The following SIMC1 variants were observed in gnomAD, a reference collection of about 807,000 sequenced individuals.
SIMC1 encodes the protein SUMO interacting motifs containing 1, also known as SUMO-interacting motif-containing protein 1.
SIMC1 carries 55 observed loss-of-function variants against 82.3 expected under a neutral mutation model. The observed-to-expected ratio is 0.67, with a 90% CI of 0.54 to 0.84. The LOEUF is 0.84. SIMC1 is among the 40% of genes least tolerant of loss of function. The pLI, the probability that SIMC1 is intolerant of heterozygous loss-of-function variation, is 0.00. For missense variants in SIMC1, 915 were observed against 1,107.2 expected, an observed-to-expected ratio of 0.83 and a Z score of 2.46; for synonymous variants, 353 against 426.3, an observed-to-expected ratio of 0.83 and a Z score of 2.12.
At chr5:176,337,458 G>A (rs1241806351) in intron 9 of SIMC1, among the ~76,000 whole-genome samples, 2 of 152,198 alleles carry the variant, frequency 1.3e-5, no homozygotes, top group Non-Finnish European at 2.9e-5. Flanking sequence ...GCCAGGCGTG[G>A]TGGTGTATGC....
intron 6 of SIMC1, among the ~76,000 whole-genome samples, chr5:176,324,003 A>T (rs1455671798): frequency 1.3e-5 from 2 of 151,596 alleles, no homozygotes; most frequent in Non-Finnish European, 2.9e-5. Flanking sequence ...AAAAAAAAAA[A>T]AAAAAAAAAA....
chr5:176,281,617 C>A (rs980920067), intron 1 of SIMC1, among the ~76,000 whole-genome samples: 1 of 152,078 alleles, frequency 6.6e-6, no homozygotes, highest in African/African-American at 2.4e-5. Flanking sequence ...GTGTGGATGT[C>A]CTTTCTGTTT....
intron 4 of SIMC1, 70 bp downstream of exon 4, chr5:176,296,390 G>A: frequency 6.2e-7 from 1 of 1,611,418 alleles, no homozygotes; most frequent in Non-Finnish European, 8.5e-7. Context: ...GATATCAGGT[G>A]CCATGGCTCA....
At chr5:176,291,767 C>G (rs1039746706) in intron 2 of SIMC1, among the ~76,000 whole-genome samples, 5 of 152,188 alleles carry the variant, frequency 3.3e-5, no homozygotes, top group African/African-American at 1.2e-4. Flanking sequence ...CATGAGCCAC[C>G]GCGCCCAGCA....
chr5:176,265,991 G>A (rs1762195515), intron 1 of SIMC1, among the ~76,000 whole-genome samples: 1 of 152,128 alleles, frequency 6.6e-6, no homozygotes, highest in Admixed American at 6.5e-5. Flanking sequence ...TATGTACAGT[G>A]TGCTATGGAA....
At chr5:176,286,910 A>AT (rs1561694854) in intron 1 of SIMC1, among the ~76,000 whole-genome samples, 1 of 152,264 alleles carries the variant, frequency 6.6e-6, no homozygotes, top group Non-Finnish European at 1.5e-5. Context: ...GGAGAAATGC[A>AT]TATCAAAACC....
At chr5:176,306,768 A>G (rs1055472727) in intron 4 of SIMC1, among the ~76,000 whole-genome samples, 12 of 147,754 alleles carry the variant, frequency 8.1e-5, no homozygotes, top group African/African-American at 2.7e-4. Flanking sequence ...CAGGGACACA[A>G]ACACTGCGGA....
Position 176,326,850 on chromosome 5 carries a change from C to T in SIMC1, c.2171+2093C>T, listed in dbSNP as rs556786732. On this transcript the variant is annotated intron_variant, in intron 7 of 9. Transcript: ENST00000429602. ...AAAGTGCTGGGATTACAGGCGTAAA[C>T]CACCACACCTGGCAATGTTATCTCT... Among the ~76,000 whole-genome samples the T allele has an allele frequency of 6.6e-5, 10 of 152,268 alleles. No individual in the cohort carries two copies. In the South Asian group the frequency reaches 1.9e-3, roughly 28 times the overall value.
chr5:176,345,043 G>A (rs922242678), intron 9 of SIMC1, 140 bp from the exon 10 acceptor site: 1 of 1,031,892 alleles, frequency 9.7e-7, no homozygotes, highest in Non-Finnish European at 1.4e-6. Context: ...AGTTACTGCA[G>A]GCACTCACAC....
Position 176,290,216 on chromosome 5 carries a change from G to C in SIMC1, c.692G>C (p.Arg231Thr). Residue 231 changes from arginine to threonine, a missense_variant, in exon 2 of 10, where the codon AGA (arginine) becomes ACA (threonine). Coordinates refer to ENST00000429602, the MANE Select transcript of SIMC1 (RefSeq NM_001308195.2). ...CPLRPLPCPP[R>T]ASPCPPRASS... is the part of the protein sequence containing the mutation. ...CTGCGACCTTTGCCATGCCCACCGA[G>C]AGCCTCACCATGTCCACCACGAGCC... 1 of 1,612,838 alleles carries C rather than the reference G, an allele frequency of 6.2e-7. No individual in the cohort carries two copies. Among genetic ancestry groups the C allele is most frequent in the Non-Finnish European group, 8.5e-7 (1 of 1,179,494 alleles).
At position 176,290,083 on chromosome 5, in the gene SIMC1, C is replaced by G; in HGVS notation, c.559C>G (p.Pro187Ala). ...GTCTTCAGATGTTAGCTCCCTCTCC[C>G]CAACAAGCAATAATAGTAGGAGCAG... ...QLSSDVSSLS[P>A]TSNNSRSSSS... The change falls in exon 2 of 10, where the codon CCA becomes GCA. Residue 187 changes from proline to alanine, a missense_variant. Around this residue, in one of 2 missense-constraint regions of SIMC1, gnomAD observed 902 missense variants for 1,040.3 expected, o/e 0.87. Coordinates refer to ENST00000429602, the MANE Select transcript of SIMC1 (RefSeq NM_001308195.2). 6.2e-7 allele frequency: 1 copy of G among 1,607,634 alleles called. No individual in the cohort carries two copies. The highest frequency in any genetic ancestry group is 8.5e-7 in the Non-Finnish European group (1 of 1,176,850).
rs1312420003 is a variant in SIMC1 at position 176,290,186 on chromosome 5, G to A, written c.662G>A (p.Cys221Tyr). The A allele has an allele frequency of 2.5e-6, 4 of 1,611,624 alleles. No individual in the cohort carries two copies. In the East Asian group the frequency reaches 8.9e-5, roughly 36 times the overall value. Reference sequence around the variant, plus strand: ...TCTCGCCCACCACAGGCCTTGCCGTGCCCCCTGCGACCTTTGCCATGCCCA... The same window carrying A: ...TCTCGCCCACCACAGGCCTTGCCGTACCCCCTGCGACCTTTGCCATGCCCA... Reference protein sequence around the residue: ...DVSRPPQALPCPLRPLPCPPR... With the variant: ...DVSRPPQALPYPLRPLPCPPR... Residue 221 changes from cysteine to tyrosine, a missense_variant, in exon 2 of 10, where the codon TGC (cysteine) becomes TAC (tyrosine). Transcript: ENST00000429602.
At chr5:176,284,212 C>G (rs1178178923) in intron 1 of SIMC1, among the ~76,000 whole-genome samples, 1 of 152,212 alleles carries the variant, frequency 6.6e-6, no homozygotes. Flanking sequence ...CCCAAATGAA[C>G]AGAATATACA....
In SIMC1 at chr5:176,296,576, G is replaced by A. The variant is rs1763826039; in HGVS notation, c.1734+256G>A. 2.0e-5 allele frequency: 10 copies of A among 489,162 alleles called. No individual in the cohort carries two copies. In the South Asian group the frequency reaches 2.2e-4, roughly 11 times the overall value. The allele number at this position is 489,162 out of a possible 1,614,324, so 30.3% of individuals were successfully genotyped here. ...CCCAGCTACACAGAAGGCTGAGGCA[G>A]GAGGATTGCTTGAGCCTAGGAGGTC... is the stretch of plus-strand genomic sequence containing the variant. On this transcript the variant is annotated intron_variant, in intron 4 of 9. Coordinates refer to ENST00000429602, the MANE Select transcript of SIMC1 (RefSeq NM_001308195.2).
chr5:176,306,000 G>A (rs1389416908), intron 4 of SIMC1, among the ~76,000 whole-genome samples: 4 of 61,610 alleles, frequency 6.5e-5, no homozygotes, highest in East Asian at 9.9e-4. Context: ...TCAGCCCCCC[G>A]CCCGGCCAGC....
At position 176,313,721 on chromosome 5, in the gene SIMC1, C is replaced by A. The variant is rs1270059393; in HGVS notation, c.1765C>A (p.Leu589Met). Reference sequence around the variant, plus strand: ...AACTCTGCCTGGGCGAGTCCTTTTCCTGCGTTATGTCGTTCAGACCCTAGA... The same window carrying A: ...AACTCTGCCTGGGCGAGTCCTTTTCATGCGTTATGTCGTTCAGACCCTAGA... ...GQTLPGRVLFLRYVVQTLEDD... is the reference protein window; with the variant it reads ...GQTLPGRVLFMRYVVQTLEDD... The change falls in exon 5 of 10, where the codon CTG (leucine) becomes ATG (methionine). Residue 589 changes from leucine to methionine, a missense_variant. Leu to Met is a conservative substitution (Grantham distance 15, BLOSUM62 2). Coordinates refer to ENST00000429602, the MANE Select transcript of SIMC1 (RefSeq NM_001308195.2). The A allele has an allele frequency of 1.2e-6, 2 of 1,613,938 alleles. No homozygotes were observed. The highest frequency in any genetic ancestry group is 8.5e-7 in the Non-Finnish European group (1 of 1,179,870).
chr5:176,333,146 A>C (rs1055720256), intron 7 of SIMC1, among the ~76,000 whole-genome samples: 1 of 152,012 alleles, frequency 6.6e-6, no homozygotes, highest in Non-Finnish European at 1.5e-5. Context: ...TCTACTAAAA[A>C]TACAAAAATT....
At chr5:176,339,163 G>A (rs1317237947) in intron 9 of SIMC1, among the ~76,000 whole-genome samples, 1 of 151,936 alleles carries the variant, frequency 6.6e-6, no homozygotes, top group East Asian at 1.9e-4. Context: ...GGAGTTCGAG[G>A]CCAGCCTGAC....
chr5:176,338,202 G>A lies in SIMC1; in HGVS notation c.2413+1056G>A, dbSNP rs535012763. On this transcript the variant is annotated intron_variant, in intron 9 of 9. Coordinates refer to ENST00000429602, the MANE Select transcript of SIMC1 (RefSeq NM_001308195.2). ...TGACCTTTTATAAAATAACTGACCT[G>A]TACTTTTTTAAAGTGCCAGTGTTTT... 2.6e-5 allele frequency among the ~76,000 whole-genome samples: 4 copies of A among 152,250 alleles called. No individual in the cohort carries two copies. The South Asian group carries it at 8.3e-4, about 32-fold the overall frequency.
Sources: allele counts gnomAD v4.1 joint callset (sites outside exome capture counted in the v4.1 genomes callset), GRCh38; gene constraint gnomAD v4.1.1; regional missense constraint gnomAD v4.1.1; transcripts MANE v1.5; gene names NCBI Gene and HGNC (gene_info 2026-07-23, HGNC 2026-07-21).